Variants in ZNF136 observed in about 807,000 individuals in gnomAD.
The protein encoded by ZNF136 is zinc finger protein 136, also known as zinc finger protein 136 (clone pHZ-20).
A neutral mutation model predicts 11.4 loss-of-function variants in ZNF136; 8 were observed. The ratio of observed to expected loss-of-function variants is 0.70; its 90% CI spans 0.41 to 1.27. The LOEUF (loss-of-function observed/expected upper bound fraction) is 1.27, where lower values mean the gene tolerates loss of function less well. Among genes scored for constraint, ZNF136 ranks in the 50% most tolerant of loss-of-function variants. The pLI is 0.01. For missense variants in ZNF136, 590 were observed against 656.5 expected (o/e 0.90, Z 1.11); for synonymous variants, 190 against 207.1 (o/e 0.92, Z 0.71).
At chr19:12,164,696 C>G (rs1337347889) in intron 1 of ZNF136, 2 of 152,258 alleles carry the variant, frequency 1.3e-5, no homozygotes, top group East Asian at 3.9e-4. Flanking sequence ...CCTGCCTTGG[C>G]CTCCCAGAGT....
intron 1 of ZNF136, among the ~76,000 whole-genome samples, chr19:12,178,067 A>G (rs1914844777): frequency 6.6e-6 from 1 of 152,224 alleles, no homozygotes. Flanking sequence ...AGATTGTGCC[A>G]CTGCACTCCA....
intron 1 of ZNF136, among the ~76,000 whole-genome samples, chr19:12,169,784 GTATTTT>G (rs750252876): frequency 1.1e-4 from 16 of 149,284 alleles, no homozygotes; most frequent in Admixed American, 4.7e-4. Flanking sequence ...TAATTTTTTT[GTATTTT>G]TATTTTTATT....
chr19:12,187,197 T>A lies in ZNF136; in HGVS notation c.819T>A (p.Ile273=). The A allele has an allele frequency of 6.2e-7, 1 of 1,613,770 alleles. No individual in the cohort carries two copies. Among genetic ancestry groups the A allele is most frequent in the Non-Finnish European group, 8.5e-7 (1 of 1,179,930 alleles). Residue 273 remains isoleucine, a synonymous_variant, in exon 4 of 4, where the codon ATT becomes ATA. Transcript: ENST00000343979. The part of the protein sequence containing the change: ...SLSSFQVHER[I]HTGEKPFKCK... ...GTTCATTTCAAGTGCATGAAAGAAT[T>A]CACACTGGAGAAAAACCCTTTAAAT...
rs745847241 is a variant in ZNF136, at chr19:12,185,908, A to G, written c.127A>G (p.Ile43Val). 5.0e-6 allele frequency: 8 copies of G among 1,613,048 alleles called. No individual in the cohort carries two copies. The highest frequency in any genetic ancestry group is 4.5e-5 in the East Asian group (2 of 44,894). Residue 43 changes from isoleucine to valine, a missense_variant, in exon 2 of 4, where the codon ATA (isoleucine) becomes GTA (valine). Transcript: ENST00000343979. Reference sequence around the variant, plus strand: ...GGAAACCATGAGGAATCTGGCCTCTATAGGTAAGGATTGTATACTTCCATC... The same window carrying G: ...GGAAACCATGAGGAATCTGGCCTCTGTAGGTAAGGATTGTATACTTCCATC... ...MWETMRNLAS[I>V]GKKWKDQNIK...
chr19:12,172,035 G>A (rs1371072325), intron 1 of ZNF136, among the ~76,000 whole-genome samples: 1 of 147,014 alleles, frequency 6.8e-6, no homozygotes, highest in East Asian at 2.0e-4. Flanking sequence ...CTGGAGTGCA[G>A]TGGCATGATG....
chr19:12,175,885 T>G (rs1318061051), intron 1 of ZNF136, among the ~76,000 whole-genome samples: 1 of 152,232 alleles, frequency 6.6e-6, no homozygotes, highest in African/African-American at 2.4e-5. Context: ...TTACATAGTT[T>G]GAATCATACA....
chr19:12,181,760 G>A (rs1170128895), intron 1 of ZNF136, among the ~76,000 whole-genome samples: 1 of 151,932 alleles, frequency 6.6e-6, no homozygotes, highest in Non-Finnish European at 1.5e-5. Context: ...TCAGCCTCCC[G>A]AGTAGCTGGG....
At chr19:12,177,220 A>G (rs1450029492) in intron 1 of ZNF136, among the ~76,000 whole-genome samples, 1 of 152,224 alleles carries the variant, frequency 6.6e-6, no homozygotes, top group East Asian at 1.9e-4. Context: ...TGGAAGAGGT[A>G]TTGAAAGGAT....
intron 1 of ZNF136, among the ~76,000 whole-genome samples, chr19:12,165,484 A>G (rs547252576): frequency 6.6e-6 from 1 of 152,328 alleles, no homozygotes; most frequent in African/African-American, 2.4e-5. Context: ...GGGGAAAGAG[A>G]TTAGTCTTAT....
intron 1 of ZNF136, among the ~76,000 whole-genome samples, chr19:12,183,548 A>ATCT (rs1914999075): frequency 6.9e-6 from 1 of 145,418 alleles, no homozygotes; most frequent in African/African-American, 2.6e-5. Context: ...CACATAACTG[A>ATCT]ATCTATCTAT....
chr19:12,186,588 ACT>A lies in ZNF136; in HGVS notation c.213_214del (p.Tyr72SerfsTer3), dbSNP rs1266653829. 1.2e-6 allele frequency: 2 copies of A among 1,610,954 alleles called. No individual in the cohort carries two copies. The highest frequency in any genetic ancestry group is 1.1e-5 in the South Asian group (1 of 90,634). On this transcript the variant is annotated frameshift_variant, in exon 4 of 4. Transcript: ENST00000343979. LOFTEE classifies it low-confidence loss of function (END_TRUNC). ...RNLRSHMLER[L>X]YQTKDGSQRG... ...TTTACAGAAGTCATATGTTAGAAAG[ACT>A]CTATCAAACTAAGGATGGTAGTCAG... is the stretch of plus-strand genomic sequence containing the variant.
rs779848871 is a variant in ZNF136 at position 12,163,199 on chromosome 19, AGG to A, written c.-4_-3del. On this transcript the variant is annotated 5_prime_UTR_variant, in exon 1 of 4. Transcript: ENST00000343979. ...GAGGAAGCTGGGACACCCGGGAGTC[AGG>A]AAATGGTGAGTGTGTCGGGCCCTGC... 2.9e-6 allele frequency: 4 copies of A among 1,403,094 alleles called. No individual in the cohort carries two copies. The highest frequency in any genetic ancestry group is 3.7e-6 in the Non-Finnish European group (4 of 1,072,370). 86.9% of individuals were successfully genotyped at this position (1,403,094 alleles called of 1,614,324 possible).
intron 1 of ZNF136, among the ~76,000 whole-genome samples, chr19:12,167,584 G>A (rs1468836512): frequency 6.6e-6 from 1 of 152,162 alleles, no homozygotes; most frequent in Non-Finnish European, 1.5e-5. Flanking sequence ...ATAAGACCGG[G>A]TGCGGTGGCT....
rs768618395 is a variant in ZNF136, at chr19:12,186,959, C to T, written c.581C>T (p.Thr194Ile). 3 of 1,613,982 alleles carry T rather than the reference C, an allele frequency of 1.9e-6. No individual in the cohort carries two copies. Among genetic ancestry groups the T allele is most frequent in the South Asian group, 2.2e-5 (2 of 91,066 alleles). ...CACATCATCACACACAGTGGATATA[C>T]ACCATATAAATGTAAGGTGTGTGGG... ...RRHIITHSGYTPYKCKVCGKA... is the reference protein window; with the variant it reads ...RRHIITHSGYIPYKCKVCGKA... Residue 194 changes from threonine (T) to isoleucine (I), a missense_variant, in exon 4 of 4, where the codon ACA becomes ATA. Thr to Ile is a moderately conservative substitution (Grantham distance 89). Coordinates refer to ENST00000343979, the MANE Select transcript of ZNF136 (RefSeq NM_003437.5).
At chr19:12,171,431 C>T (rs571460114) in intron 1 of ZNF136, among the ~76,000 whole-genome samples, 1 of 152,220 alleles carries the variant, frequency 6.6e-6, no homozygotes, top group East Asian at 1.9e-4. Flanking sequence ...CTTTATTTTT[C>T]TCTGTGTGAT....
At chr19:12,180,677 A>T (rs1460930008) in intron 1 of ZNF136, among the ~76,000 whole-genome samples, 1 of 152,208 alleles carries the variant, frequency 6.6e-6, no homozygotes, top group African/African-American at 2.4e-5. Flanking sequence ...GGAACTGCTT[A>T]AGTGTGGATG....
rs1290894726 is a variant in ZNF136, at chr19:12,187,525, A to G, written c.1147A>G (p.Met383Val). Residue 383 changes from methionine to valine, a missense_variant, in exon 4 of 4, where the codon ATG (methionine) becomes GTG (valine). Physicochemically the swap from Met to Val is conservative, Grantham distance 21. Transcript: ENST00000343979. ...TTGTATCCCAAGTATGCGAAGACAC[A>G]TGATAAAACATACTGGAGAAGGACC... ...FSCIPSMRRH[M>V]IKHTGEGPYK... is the part of the protein sequence containing the mutation. 1.2e-6 allele frequency: 2 copies of G among 1,613,816 alleles called. No homozygotes were observed. Among genetic ancestry groups the G allele is most frequent in the African/African-American group, 1.3e-5 (1 of 74,854 alleles).
At chr19:12,182,091 T>C (rs996485685) in intron 1 of ZNF136, among the ~76,000 whole-genome samples, 6 of 151,822 alleles carry the variant, frequency 4.0e-5, no homozygotes, top group Non-Finnish European at 5.9e-5. Context: ...TCCTTCCTTC[T>C]CCATTAGAGA....
chr19:12,181,254 G>C (rs1183558824), intron 1 of ZNF136, among the ~76,000 whole-genome samples: 1 of 152,174 alleles, frequency 6.6e-6, no homozygotes, highest in Non-Finnish European at 1.5e-5. Context: ...GAGGGGCCCA[G>C]GCCTCCTCGC....
Sources: gnomAD v4.1 joint callset for allele counts (sites outside exome capture counted in the v4.1 genomes callset) on GRCh38, gnomAD v4.1.1 for gene constraint, MANE v1.5 for transcripts, NCBI Gene and HGNC (gene_info 2026-07-23, HGNC 2026-07-21) for gene names.